The following PIEZO2 variants were observed in gnomAD, a reference collection of about 807,000 sequenced individuals.
The protein encoded by PIEZO2 is piezo-type mechanosensitive ion channel component 2.
In PIEZO2, 172 loss-of-function variants were observed where a neutral mutation model predicts 337.3. The ratio of observed to expected loss-of-function variants is 0.51; its 90% CI spans 0.45 to 0.58. The LOEUF is 0.58. Ranked by LOEUF, PIEZO2 falls within the 20% of genes least tolerant of loss-of-function variation. The pLI is 0.00. For missense variants in PIEZO2, 3,028 were observed against 3,391.3 expected, an observed-to-expected ratio of 0.89 and a Z score of 2.66; for synonymous variants, 1,251 against 1,228.5, an observed-to-expected ratio of 1.02 and a Z score of -0.38.
In PIEZO2 at chr18:11,126,233, T is replaced by C. The variant is rs1001519039; in HGVS notation, c.64+22292A>G. ...GTCAATATTCCCAGTAGGTTCAACA[T>C]GAAGTTTTTACTATCACAGTTTTGT... On this transcript the variant is annotated intron_variant, in intron 1 of 55. Transcript: ENST00000674853. This position sits in a 1 kb window ranked among gnomAD's most constrained non-coding sequence, Gnocchi z 4.6. Among the ~76,000 whole-genome samples the C allele has an allele frequency of 2.0e-5, 3 of 152,194 alleles. No homozygotes were observed. The highest frequency in any genetic ancestry group is 4.4e-5 in the Non-Finnish European group (3 of 68,030).
At chr18:10,880,256 T>G (rs1367824704) in intron 4 of PIEZO2, among the ~76,000 whole-genome samples, 1 of 152,154 alleles carries the variant, frequency 6.6e-6, no homozygotes, top group African/African-American at 2.4e-5. Flanking sequence ...TCTGATAAAT[T>G]TATTAATCAA....
intron 33 of PIEZO2, 127 bp downstream of exon 33, chr18:10,740,904 C>T (rs567235628): frequency 3.6e-5 from 36 of 1,001,060 alleles, no homozygotes; most frequent in East Asian, 1.0e-4. Context: ...TCCTACACTC[C>T]GACCCCCTAT....
rs936763722 is a variant in PIEZO2, at chr18:10,750,213, C to T, written c.4168-26G>A. On this transcript the variant is annotated intron_variant, in intron 28 of 55. Coordinates refer to ENST00000674853, the MANE Select transcript of PIEZO2 (RefSeq NM_001378183.1). The surrounding 1 kb of genome is among the most constrained non-coding windows in gnomAD (Gnocchi z 4.1). ...CTGAAAAACAAAAGAGGGGGATAAT[C>T]CTGAAGCTCTGCAGCCAGAAAAAAA... is the stretch of plus-strand genomic sequence containing the variant. 2.0e-6 allele frequency: 3 copies of T among 1,489,546 alleles called. No individual in the cohort carries two copies. Among genetic ancestry groups the T allele is most frequent in the Non-Finnish European group, 2.7e-6 (3 of 1,103,626 alleles). The allele number at this position is 1,489,546 out of a possible 1,614,324, so 92.3% of individuals were successfully genotyped here.
intron 7 of PIEZO2, among the ~76,000 whole-genome samples, chr18:10,835,819 G>A (rs769897138): frequency 1.3e-4 from 20 of 152,202 alleles, no homozygotes; most frequent in Non-Finnish European, 2.4e-4. Context: ...GAGCCAGCGC[G>A]TCCAGCCTGA....
At position 11,009,174 on chromosome 18, in the gene PIEZO2, C is replaced by T. The variant is rs567173594; in HGVS notation, c.161-29514G>A. Among the ~76,000 whole-genome samples, 4 of 152,170 alleles carry T rather than the reference C, an allele frequency of 2.6e-5. No homozygotes were observed. The highest frequency in any genetic ancestry group is 6.5e-5 in the Admixed American group (1 of 15,286). ...TAGGAATCCTGGTAGGTTGCTCTTG[C>T]CACGTCACTGTTATTTGCCTGGGCA... On this transcript the variant is annotated intron_variant, in intron 2 of 55. Coordinates refer to ENST00000674853, the MANE Select transcript of PIEZO2 (RefSeq NM_001378183.1). This position sits in a 1 kb window ranked among gnomAD's most constrained non-coding sequence, Gnocchi z 4.6.
rs2093418054 is a variant in PIEZO2 at position 10,854,425 on chromosome 18, G to C, written c.917+928C>G. The stretch of plus-strand genomic sequence containing the variant: ...ACGACCTTTATAGTAATTATTTCAG[G>C]TGTGGACATAATAGAACATATCATT... On this transcript the variant is annotated intron_variant, in intron 7 of 55. Coordinates refer to ENST00000674853, the MANE Select transcript of PIEZO2 (RefSeq NM_001378183.1). This position sits in a 1 kb window ranked among gnomAD's most constrained non-coding sequence, Gnocchi z 4.6. Among the ~76,000 whole-genome samples the C allele has an allele frequency of 6.6e-6, 1 of 152,038 alleles. No homozygotes were observed. Among genetic ancestry groups the C allele is most frequent in the African/African-American group, 2.4e-5 (1 of 41,378 alleles).
At chr18:10,931,389 C>A (rs945782747) in intron 3 of PIEZO2, among the ~76,000 whole-genome samples, 1 of 152,054 alleles carries the variant, frequency 6.6e-6, no homozygotes, top group Non-Finnish European at 1.5e-5. Context: ...TTAGTAGAGA[C>A]AGGGTTTCAT....
At chr18:10,880,875 A>G (rs1568159628) in intron 4 of PIEZO2, among the ~76,000 whole-genome samples, 1 of 97,670 alleles carries the variant, frequency 1.0e-5, no homozygotes, top group Non-Finnish European at 2.0e-5. Context: ...ATATATATAT[A>G]TATATATATA....
At chr18:10,763,217 G>T in intron 21 of PIEZO2, 119 bp from the exon 22 acceptor site, 1 of 1,129,546 alleles carries the variant, frequency 8.9e-7, no homozygotes, top group Non-Finnish European at 1.2e-6. Context: ...TGGATTCCTA[G>T]CATGCGCAAG....
Position 10,988,098 on chromosome 18 carries a change from A to T in PIEZO2, c.161-8438T>A, listed in dbSNP as rs1438961601. ...GGAACCTTTAGGATGTGATCAAGAC[A>T]TGAGGGTTGAGCTCTCAGGTATAAG... On this transcript the variant is annotated intron_variant, in intron 2 of 55. Coordinates refer to ENST00000674853, the MANE Select transcript of PIEZO2 (RefSeq NM_001378183.1). The surrounding 1 kb of genome is among the most constrained non-coding windows in gnomAD (Gnocchi z 4.8). Among the ~76,000 whole-genome samples the T allele has an allele frequency of 6.6e-6, 1 of 151,994 alleles. No individual in the cohort carries two copies.
intron 2 of PIEZO2, among the ~76,000 whole-genome samples, chr18:11,036,610 T>C (rs1227495850): frequency 6.6e-6 from 1 of 151,654 alleles, no homozygotes; most frequent in African/African-American, 2.4e-5. Context: ...AATATATACA[T>C]ATTTTATTTT....
Position 11,131,535 on chromosome 18 carries a change from G to A in PIEZO2, c.64+16990C>T, listed in dbSNP as rs1001185510. On this transcript the variant is annotated intron_variant, in intron 1 of 55. Transcript: ENST00000674853. This position sits in a 1 kb window ranked among gnomAD's most constrained non-coding sequence, Gnocchi z 5.3. ...TACAGCCCCTTTCTAGGAAATCCTTGAAGGACAGCGGTGAAGGGAAATCTT... is the reference window on the plus strand; with the variant it reads ...TACAGCCCCTTTCTAGGAAATCCTTAAAGGACAGCGGTGAAGGGAAATCTT... 6.6e-6 allele frequency among the ~76,000 whole-genome samples: 1 copy of A among 152,220 alleles called. No individual in the cohort carries two copies. Among genetic ancestry groups the A allele is most frequent in the African/African-American group, 2.4e-5 (1 of 41,462 alleles).
rs1258349225 is a variant in PIEZO2, at chr18:10,953,650, C to T, written c.286+25885G>A. 2.6e-5 allele frequency among the ~76,000 whole-genome samples: 4 copies of T among 151,944 alleles called. No individual in the cohort carries two copies. Among genetic ancestry groups the T allele is most frequent in the African/African-American group, 4.8e-5 (2 of 41,316 alleles). ...TGCTATGATGACCTCGTATTCACCT[C>T]ATTAGTGAGGAAGGCATCCACTGCC... On this transcript the variant is annotated intron_variant, in intron 3 of 55. Transcript: ENST00000674853. The surrounding 1 kb of genome is among the most constrained non-coding windows in gnomAD (Gnocchi z 5.2).
Position 10,834,823 on chromosome 18 carries a change from A to C in PIEZO2, c.917+20530T>G, listed in dbSNP as rs541191626. Among the ~76,000 whole-genome samples, 54 of 152,320 alleles carry C rather than the reference A, an allele frequency of 3.5e-4. 1 individual carries two copies. Among genetic ancestry groups the C allele is most frequent in the Non-Finnish European group, 7.1e-4 (48 of 68,028 alleles). On this transcript the variant is annotated intron_variant, in intron 7 of 55. Coordinates refer to ENST00000674853, the MANE Select transcript of PIEZO2 (RefSeq NM_001378183.1). The surrounding 1 kb of genome is among the most constrained non-coding windows in gnomAD (Gnocchi z 4.5). ...TTCTTCCCCGCTAGCTTTCACAAGAAACTCCAGTGCCCTTTTCCCACACCT... is the reference window on the plus strand; with the variant it reads ...TTCTTCCCCGCTAGCTTTCACAAGACACTCCAGTGCCCTTTTCCCACACCT...
At chr18:11,044,451 T>C (rs1004855595) in intron 2 of PIEZO2, among the ~76,000 whole-genome samples, 1 of 152,114 alleles carries the variant, frequency 6.6e-6, no homozygotes, top group African/African-American at 2.4e-5. Context: ...AAAAAACATT[T>C]CAGAAAAGTT....
At chr18:10,896,898 T>C (rs961027243) in intron 4 of PIEZO2, among the ~76,000 whole-genome samples, 19 of 152,182 alleles carry the variant, frequency 1.2e-4, no homozygotes, top group African/African-American at 4.3e-4. Context: ...TGCAGGATTG[T>C]TTACTTCTCT....
rs2042167937 is a variant in PIEZO2, at chr18:10,872,676, A to G, written c.330-1261T>C. 6.6e-6 allele frequency among the ~76,000 whole-genome samples: 1 copy of G among 152,216 alleles called. No homozygotes were observed. Among genetic ancestry groups the G allele is most frequent in the South Asian group, 2.1e-4 (1 of 4,832 alleles). ...GGCTTGCAGTGCTCTAGTGATGTGT[A>G]GTGCTGTAACCACAGTACCTATTAC... On this transcript the variant is annotated intron_variant, in intron 4 of 55. Coordinates refer to ENST00000674853, the MANE Select transcript of PIEZO2 (RefSeq NM_001378183.1). The surrounding 1 kb of genome is among the most constrained non-coding windows in gnomAD (Gnocchi z 4.3).
In PIEZO2 at chr18:10,954,061, C is replaced by T. The variant is rs923977920; in HGVS notation, c.286+25474G>A. Among the ~76,000 whole-genome samples, 10 of 152,214 alleles carry T rather than the reference C, an allele frequency of 6.6e-5. No homozygotes were observed. Among genetic ancestry groups the T allele is most frequent in the African/African-American group, 2.4e-4 (10 of 41,448 alleles). On this transcript the variant is annotated intron_variant, in intron 3 of 55. Transcript: ENST00000674853. The surrounding 1 kb of genome is among the most constrained non-coding windows in gnomAD (Gnocchi z 4.2). ...TTGAGGCTTAAAAATATAAGACAGC[C>T]TGTGAAATTTTAGGCCTTACACTAT...
intron 2 of PIEZO2, among the ~76,000 whole-genome samples, chr18:11,025,727 C>T (rs1330646725): frequency 1.3e-5 from 2 of 152,148 alleles, no homozygotes; most frequent in African/African-American, 4.8e-5. Context: ...GAGGCCCCAT[C>T]CTCGAAGTTA....
Sources: allele counts gnomAD v4.1 joint callset (sites outside exome capture counted in the v4.1 genomes callset), GRCh38; gene constraint gnomAD v4.1.1; non-coding constraint Gnocchi (gnomAD v3.1); transcripts MANE v1.5; gene names NCBI Gene and HGNC (gene_info 2026-07-23, HGNC 2026-07-21).